The following YIPF1 variants were observed in gnomAD, a reference collection of about 807,000 sequenced individuals.
YIPF1 encodes the protein protein YIPF1.
A neutral mutation model predicts 37.0 loss-of-function variants in YIPF1; 22 were observed. The observed-to-expected ratio is 0.59, with a 90% CI of 0.42 to 0.85. The LOEUF (loss-of-function observed/expected upper bound fraction) is 0.85. Among genes scored for constraint, YIPF1 ranks in the 40% least tolerant of loss-of-function variants. The pLI is 0.00. For synonymous variants in YIPF1, 128 were observed against 131.9 expected (o/e 0.97, Z 0.21); for missense variants, 355 against 373.1 (o/e 0.95, Z 0.40).
chr1:53,885,686 T>C (rs549709684), intron 3 of YIPF1, among the ~76,000 whole-genome samples: 1 of 151,526 alleles, frequency 6.6e-6, no homozygotes, highest in South Asian at 2.1e-4. Context: ...CTAGGCATGT[T>C]GGTGGACACG....
intron 6 of YIPF1, among the ~76,000 whole-genome samples, chr1:53,877,395 T>A (rs1266633490): frequency 6.6e-6 from 1 of 152,196 alleles, no homozygotes; most frequent in Non-Finnish European, 1.5e-5. Context: ...AGCTTCCTCA[T>A]TTGAAAAGTG....
intron 10 of YIPF1, among the ~76,000 whole-genome samples, chr1:53,853,451 C>T (rs748533349): frequency 1.7e-4 from 26 of 152,074 alleles, no homozygotes; most frequent in Non-Finnish European, 3.5e-4. Flanking sequence ...TGGGGATTTG[C>T]AAGACAGGGA....
intron 10 of YIPF1, among the ~76,000 whole-genome samples, chr1:53,857,321 A>G (rs1317379634): frequency 6.6e-6 from 1 of 152,184 alleles, no homozygotes; most frequent in African/African-American, 2.4e-5. Flanking sequence ...TTGTGGTAAT[A>G]CCACTGGGCA....
At chr1:53,882,216 T>C (rs1457264849) in intron 4 of YIPF1, among the ~76,000 whole-genome samples, 3 of 152,156 alleles carry the variant, frequency 2.0e-5, no homozygotes, top group East Asian at 1.9e-4. Flanking sequence ...TAATGGATGC[T>C]GGGCTTAATA....
rs1262958510 is a variant in YIPF1 at position 53,859,295 on chromosome 1, C to A, written c.*8+761G>T. 1.3e-5 allele frequency among the ~76,000 whole-genome samples: 2 copies of A among 152,170 alleles called. 1 individual carries two copies. The highest frequency in any genetic ancestry group is 2.9e-5 in the Non-Finnish European group (2 of 68,034). On this transcript the variant is annotated intron_variant, in intron 10 of 10. Coordinates refer to ENST00000072644, the MANE Select transcript of YIPF1 (RefSeq NM_018982.5). ...ATAGGCAGATGGACACATGATTAGT[C>A]AGCCATTAGTGTTTCAAGCACCATG...
chr1:53,882,744 C>A lies in YIPF1; in HGVS notation c.195+369G>T, dbSNP rs117619523. Among the ~76,000 whole-genome samples, 1,078 of 152,018 alleles carry A rather than the reference C, an allele frequency of 7.1e-3. 60 individuals carry two copies. In the East Asian group the frequency reaches 0.16, roughly 22 times the overall value. On this transcript the variant is annotated intron_variant, in intron 4 of 10. Coordinates refer to ENST00000072644, the MANE Select transcript of YIPF1 (RefSeq NM_018982.5). ...AAAATGCTGGGATTATATGCGTGAG[C>A]CACCACGCCTGGCTCCAAGTGTTAT... is the stretch of plus-strand genomic sequence containing the variant.
At chr1:53,878,867 T>C (rs756040241) in intron 4 of YIPF1, 145 bp from the exon 5 acceptor site, 69 of 667,736 alleles carry the variant, frequency 1.0e-4, no homozygotes, top group African/African-American at 1.9e-4. Context: ...AACTCTGAAA[T>C]AGCCAATTCG....
intron 10 of YIPF1, among the ~76,000 whole-genome samples, chr1:53,855,295 C>T (rs1649691914): frequency 1.3e-5 from 2 of 151,886 alleles, no homozygotes; most frequent in Admixed American, 1.3e-4. Flanking sequence ...CCCTGGAAAG[C>T]TCACCCCAAT....
At chr1:53,856,630 G>A (rs1333888907) in intron 10 of YIPF1, among the ~76,000 whole-genome samples, 1 of 152,126 alleles carries the variant, frequency 6.6e-6, no homozygotes, top group Non-Finnish European at 1.5e-5. Context: ...GTTCAAACAA[G>A]AGCCCCTCTC....
At chr1:53,878,794 GGGAT>G in intron 4 of YIPF1, 72 bp from the exon 5 acceptor site, 1 of 1,429,388 alleles carries the variant, frequency 7.0e-7, no homozygotes, top group Non-Finnish European at 9.4e-7. Context: ...GGGTGCAGGA[GGGAT>G]CTGATCTAAT....
chr1:53,875,170 C>T (rs1004171918), intron 6 of YIPF1, among the ~76,000 whole-genome samples: 3 of 152,200 alleles, frequency 2.0e-5, no homozygotes, highest in Admixed American at 2.0e-4. Flanking sequence ...TTCCACTGCT[C>T]CATATCCTTG....
Position 53,864,344 on chromosome 1 carries a change from G to C in YIPF1, c.831+1856C>G, listed in dbSNP as rs376835428. Reference sequence around the variant, plus strand: ...ATCAACTCAGAGATTCCAAGTGCCAGAAATTAATAGTGTCATTCTGCCATG... The same window carrying C: ...ATCAACTCAGAGATTCCAAGTGCCACAAATTAATAGTGTCATTCTGCCATG... On this transcript the variant is annotated intron_variant, in intron 9 of 10. Coordinates refer to ENST00000072644, the MANE Select transcript of YIPF1 (RefSeq NM_018982.5). Among the ~76,000 whole-genome samples, 41 of 152,388 alleles carry C rather than the reference G, an allele frequency of 2.7e-4. No homozygotes were observed. In the East Asian group the frequency reaches 6.2e-3, roughly 23 times the overall value.
chr1:53,860,069 T>C lies in YIPF1; in HGVS notation c.916A>G (p.Ser306Gly), dbSNP rs1649824844. 1 of 1,614,116 alleles carries C rather than the reference T, an allele frequency of 6.2e-7. No homozygotes were observed. The highest frequency in any genetic ancestry group is 8.5e-7 in the Non-Finnish European group (1 of 1,179,974). The change falls in exon 10 of 11, where the codon AGC (serine) becomes GGC (glycine). Residue 306 changes from serine to glycine, a missense_variant. By Grantham distance (56) the Ser-to-Gly change is moderately conservative (BLOSUM62 0). Coordinates refer to ENST00000072644, the MANE Select transcript of YIPF1 (RefSeq NM_018982.5). ...AGAATCTCTTACTTTCCTCATTAGC[T>C]GGACTTGGCTGCAGCAACTGTTTGG... ...PNQTVAAAKS[S>G]
At chr1:53,875,439 C>T (rs1569636394) in intron 6 of YIPF1, among the ~76,000 whole-genome samples, 1 of 152,138 alleles carries the variant, frequency 6.6e-6, no homozygotes, top group East Asian at 1.9e-4. Flanking sequence ...ATGGCTTGAG[C>T]CCAGGATTTT....
chr1:53,863,366 A>T (rs760601493), intron 9 of YIPF1, among the ~76,000 whole-genome samples: 1 of 152,200 alleles, frequency 6.6e-6, no homozygotes, highest in Non-Finnish European at 1.5e-5. Context: ...ACTATGGAGG[A>T]ATAAGCAGCA....
At chr1:53,859,194 G>A (rs528909698) in intron 10 of YIPF1, among the ~76,000 whole-genome samples, 4 of 152,248 alleles carry the variant, frequency 2.6e-5, no homozygotes, top group East Asian at 1.9e-4. Context: ...TGTTCTTGTC[G>A]AGCTGAGCCT....
chr1:53,861,074 C>A (rs1381077385), intron 9 of YIPF1, among the ~76,000 whole-genome samples: 2 of 152,218 alleles, frequency 1.3e-5, no homozygotes, highest in African/African-American at 4.8e-5. Flanking sequence ...CAGAAGGGGG[C>A]ACCAACACAA....
At chr1:53,854,312 C>T (rs988093230) in intron 10 of YIPF1, among the ~76,000 whole-genome samples, 11 of 152,092 alleles carry the variant, frequency 7.2e-5, no homozygotes. Context: ...TGGCCAGAAG[C>T]GAAGAGGTTG....
intron 6 of YIPF1, among the ~76,000 whole-genome samples, chr1:53,876,670 G>A (rs1437669163): frequency 2.6e-5 from 4 of 152,196 alleles, no homozygotes; most frequent in African/African-American, 9.7e-5. Context: ...CTTACTAGCT[G>A]TATAATCTCA....
Sources: gnomAD v4.1 joint callset for allele counts (sites outside exome capture counted in the v4.1 genomes callset) on GRCh38, gnomAD v4.1.1 for gene constraint, MANE v1.5 for transcripts, NCBI Gene and HGNC (gene_info 2026-07-23, HGNC 2026-07-21) for gene names.